The following NMNAT2 variants were observed in gnomAD, a reference collection of about 807,000 sequenced individuals.
NMNAT2 encodes the protein nicotinamide nucleotide adenylyltransferase 2, also known as nicotinamide/nicotinic acid mononucleotide adenylyltransferase 2.
A neutral mutation model predicts 41.6 loss-of-function variants in NMNAT2; 11 were observed. That is an observed-to-expected ratio of 0.26 (90% CI 0.17 to 0.44). The LOEUF (loss-of-function observed/expected upper bound fraction) is 0.44. NMNAT2 is among the 20% of genes least tolerant of loss of function. The pLI, the probability that NMNAT2 is intolerant of heterozygous loss-of-function variation, is 1.00. For synonymous variants in NMNAT2, 148 were observed against 151.2 expected (o/e 0.98, Z 0.16); for missense variants, 288 against 407.7 (o/e 0.71, Z 2.53).
intron 1 of NMNAT2, among the ~76,000 whole-genome samples, chr1:183,411,547 G>A (rs1313464448): frequency 1.3e-5 from 2 of 151,820 alleles, no homozygotes; most frequent in African/African-American, 4.8e-5. Context: ...CAAGTGATCT[G>A]CTTGCTTCAG....
At chr1:183,308,205 A>C (rs931236598) in intron 1 of NMNAT2, among the ~76,000 whole-genome samples, 1 of 152,228 alleles carries the variant, frequency 6.6e-6, no homozygotes, top group Non-Finnish European at 1.5e-5. Context: ...CCCAGGGGAC[A>C]CCAACATGAA....
intron 1 of NMNAT2, chr1:183,304,533 CT>C: frequency 1.3e-6 from 1 of 742,848 alleles, no homozygotes; most frequent in Non-Finnish European, 2.2e-6. Flanking sequence ...GCTGATGTCC[CT>C]AAACAGGCAT....
At position 183,371,448 on chromosome 1, in the gene NMNAT2, C is replaced by T. The variant is rs182012186; in HGVS notation, c.85+46735G>A. The stretch of plus-strand genomic sequence containing the variant: ...TAGGATGCACAACACCCCGAATGAG[C>T]TCTGGTGTAAACCATGGCCTCTGAG... On this transcript the variant is annotated intron_variant, in intron 1 of 10. Transcript: ENST00000287713. Among the ~76,000 whole-genome samples the T allele has an allele frequency of 1.8e-4, 27 of 152,280 alleles. No individual in the cohort carries two copies. In the East Asian group the frequency reaches 5.2e-3, roughly 29 times the overall value.
intron 8 of NMNAT2, among the ~76,000 whole-genome samples, chr1:183,273,403 A>T (rs1025271602): frequency 6.6e-6 from 1 of 152,238 alleles, no homozygotes; most frequent in Non-Finnish European, 1.5e-5. Context: ...AATAAAGAGA[A>T]ATGTGCTCTG....
At position 183,313,631 on chromosome 1, in the gene NMNAT2, G is replaced by A. The variant is rs573026688; in HGVS notation, c.86-19838C>T. 3.3e-5 allele frequency among the ~76,000 whole-genome samples: 5 copies of A among 151,982 alleles called. No homozygotes were observed. The South Asian group carries it at 6.2e-4, about 19-fold the overall frequency. ...CCCTCTGGTAGCTGGGATTACAGGC[G>A]CATGCCACCATGCCTGGCTAATTTT... On this transcript the variant is annotated intron_variant, in intron 1 of 10. Transcript: ENST00000287713.
chr1:183,375,276 C>T (rs1237159237), intron 1 of NMNAT2, among the ~76,000 whole-genome samples: 1 of 152,176 alleles, frequency 6.6e-6, no homozygotes, highest in African/African-American at 2.4e-5. Flanking sequence ...TTTATTTATC[C>T]AATCATTTGA....
chr1:183,414,348 T>C (rs1649200301), intron 1 of NMNAT2, among the ~76,000 whole-genome samples: 1 of 152,262 alleles, frequency 6.6e-6, no homozygotes, highest in Non-Finnish European at 1.5e-5. Context: ...TTTTTGTTTA[T>C]ATAGCCAAAA....
intron 1 of NMNAT2, 95 bp from the exon 2 acceptor site, chr1:183,293,888 G>A: frequency 2.4e-6 from 2 of 825,958 alleles, no homozygotes; most frequent in South Asian, 1.5e-5. Flanking sequence ...TAATGCTGGG[G>A]TTTATTTCCC....
chr1:183,415,066 C>T (rs1297328709), intron 1 of NMNAT2, among the ~76,000 whole-genome samples: 1 of 152,206 alleles, frequency 6.6e-6, no homozygotes, highest in Non-Finnish European at 1.5e-5. Context: ...ACCTCTGCCT[C>T]CCAGGCTTCC....
At position 183,348,142 on chromosome 1, in the gene NMNAT2, A is replaced by ACG. The variant is rs1173857662; in HGVS notation, c.86-54350_86-54349insCG. Among the ~76,000 whole-genome samples the ACG allele has an allele frequency of 3.9e-4, 59 of 152,314 alleles. 2 individuals carry two copies. The East Asian group carries it at 0.011, about 27-fold the overall frequency. ...CTCAACATGGGTGATACGTTGAGATATGTGATACTCTCCTTTTCAATTTGA... is the reference window on the plus strand; with the variant it reads ...CTCAACATGGGTGATACGTTGAGATACGTGTGATACTCTCCTTTTCAATTTGA... On this transcript the variant is annotated intron_variant, in intron 1 of 10. Transcript: ENST00000287713.
At chr1:183,386,617 T>C (rs775677931) in intron 1 of NMNAT2, among the ~76,000 whole-genome samples, 3 of 152,178 alleles carry the variant, frequency 2.0e-5, no homozygotes, top group Non-Finnish European at 4.4e-5. Flanking sequence ...AGCAAAATAA[T>C]TGGTTTGGAT....
At chr1:183,276,935 C>A (rs1319768240) in intron 8 of NMNAT2, among the ~76,000 whole-genome samples, 5 of 152,202 alleles carry the variant, frequency 3.3e-5, no homozygotes, top group African/African-American at 1.2e-4. Context: ...GTATACCTTA[C>A]TTCCCGGAAA....
intron 3 of NMNAT2, chr1:183,290,580 G>A (rs148493952): frequency 1.0e-3 from 194 of 192,814 alleles, no homozygotes; most frequent in African/African-American, 4.2e-3. Context: ...AGAAAGGCTC[G>A]GTAAGTTTTA....
chr1:183,318,993 A>C (rs1662308008), intron 1 of NMNAT2, among the ~76,000 whole-genome samples: 1 of 152,266 alleles, frequency 6.6e-6, no homozygotes, highest in Non-Finnish European at 1.5e-5. Flanking sequence ...GGAATCATAT[A>C]GGGACTCAGA....
chr1:183,265,458 G>A (rs767904358), intron 8 of NMNAT2, among the ~76,000 whole-genome samples: 1 of 151,646 alleles, frequency 6.6e-6, no homozygotes, highest in Admixed American at 6.6e-5. Context: ...GTAGATACAG[G>A]GTTTCACCAT....
chr1:183,311,765 ACG>A (rs1442338998), intron 1 of NMNAT2, among the ~76,000 whole-genome samples: 2 of 134,418 alleles, frequency 1.5e-5, no homozygotes, highest in African/African-American at 2.9e-5. Flanking sequence ...ACACACACAC[ACG>A]CCCTGGTGTT....
chr1:183,258,959 G>A (rs1660590582), intron 10 of NMNAT2, among the ~76,000 whole-genome samples: 1 of 152,090 alleles, frequency 6.6e-6, no homozygotes, highest in Non-Finnish European at 1.5e-5. Flanking sequence ...TAAAACTCTG[G>A]TCTCCCGCAC....
At chr1:183,348,476 A>G (rs1057262897) in intron 1 of NMNAT2, among the ~76,000 whole-genome samples, 5 of 152,168 alleles carry the variant, frequency 3.3e-5, no homozygotes, top group African/African-American at 1.2e-4. Context: ...GATTCACCAA[A>G]ATATTTATGT....
chr1:183,413,023 A>G (rs573553863), intron 1 of NMNAT2, among the ~76,000 whole-genome samples: 2 of 152,332 alleles, frequency 1.3e-5, no homozygotes, highest in East Asian at 3.9e-4. Context: ...TGCCATGATT[A>G]TAAGAATTTT....
Sources: allele counts gnomAD v4.1 joint callset (sites outside exome capture counted in the v4.1 genomes callset), GRCh38; gene constraint gnomAD v4.1.1; transcripts MANE v1.5; gene names NCBI Gene and HGNC (gene_info 2026-07-23, HGNC 2026-07-21).